Variants in SLC25A42 observed in about 807,000 individuals in gnomAD.
The protein encoded by SLC25A42 is solute carrier family 25 member 42.
Under a neutral mutation model 34.7 loss-of-function variants are expected in SLC25A42, and 19 were observed. The observed-to-expected ratio is 0.55, with a 90% CI of 0.38 to 0.80. The LOEUF (loss-of-function observed/expected upper bound fraction) is 0.80. SLC25A42 is among the 30% of genes least tolerant of loss of function. The pLI, the probability that SLC25A42 is intolerant of heterozygous loss-of-function variation, is 0.00. For synonymous variants in SLC25A42, 205 were observed against 191.2 expected, an observed-to-expected ratio of 1.07 and a Z score of -0.59; for missense variants, 364 against 441.3, an observed-to-expected ratio of 0.82 and a Z score of 1.57.
chr19:19,110,571 T>C lies in SLC25A42; in HGVS notation c.652T>C (p.Tyr218His). ...YETLKSLHRE[Y>H]SGRRQPYPFE... ...CCCTCCCGCCCCTCGCCCTGCAGAG[T>C]ACAGCGGCCGCCGGCAGCCCTACCC... Residue 218 changes from tyrosine (Y) to histidine (H), a missense_variant and splice_region_variant, in exon 8 of 8, where the codon TAC becomes CAC. By Grantham distance (83) the Tyr-to-His change is moderately conservative (BLOSUM62 2). Transcript: ENST00000318596. The C allele has an allele frequency of 7.0e-7, 1 of 1,430,904 alleles. No individual in the cohort carries two copies. Among genetic ancestry groups the C allele is most frequent in the Non-Finnish European group, 9.1e-7 (1 of 1,100,132 alleles). 88.6% of individuals were successfully genotyped at this position (1,430,904 alleles called of 1,614,324 possible).
At chr19:19,089,594 G>A (rs1339879516) in intron 1 of SLC25A42, among the ~76,000 whole-genome samples, 1 of 151,350 alleles carries the variant, frequency 6.6e-6, no homozygotes, top group African/African-American at 2.4e-5. Context: ...GCAGCCAGGT[G>A]TGGTAGCTCA....
chr19:19,108,669 T>C (rs1482098093), intron 7 of SLC25A42, among the ~76,000 whole-genome samples: 3 of 152,156 alleles, frequency 2.0e-5, no homozygotes, highest in Non-Finnish European at 2.9e-5. Flanking sequence ...AAGGAAGTAC[T>C]CTTGCTTGTT....
At chr19:19,092,096 C>T (rs1042054888) in intron 1 of SLC25A42, among the ~76,000 whole-genome samples, 4 of 152,134 alleles carry the variant, frequency 2.6e-5, no homozygotes, top group Non-Finnish European at 5.9e-5. Flanking sequence ...GGTGGCCCAC[C>T]GTGCTCCAGG....
rs184858783 is a variant in SLC25A42, at chr19:19,105,248, C to T, written c.213+310C>T. ...AGATAAACTGTAAAAGCTGGGATGC[C>T]AAACACCAACAGACATGCCCTTGGG... On this transcript the variant is annotated intron_variant, in intron 4 of 7. Coordinates refer to ENST00000318596, the MANE Select transcript of SLC25A42 (RefSeq NM_178526.5). The T allele has an allele frequency of 5.1e-4, 293 of 572,872 alleles. 3 individuals are homozygous for T. The highest frequency in any genetic ancestry group is 4.2e-3 in the African/African-American group (225 of 53,720). The allele number at this position is 572,872 out of a possible 1,614,324, so 35.5% of individuals were successfully genotyped here.
intron 1 of SLC25A42, among the ~76,000 whole-genome samples, chr19:19,082,943 T>C (rs2059688754): frequency 1.3e-5 from 2 of 151,480 alleles, no homozygotes. Context: ...TCAGCCTCCC[T>C]GAGTAGCTGG....
At position 19,081,535 on chromosome 19, in the gene SLC25A42, G is replaced by A. The variant is rs377572406; in HGVS notation, c.-34-14556G>A. 8.5e-5 allele frequency among the ~76,000 whole-genome samples: 13 copies of A among 152,308 alleles called. No homozygotes were observed. The East Asian group carries it at 1.3e-3, about 16-fold the overall frequency. ...GAAGCCGAGGTGGGGGCTGATGGGC[G>A]TAGGTAGACTACCTGTCCCTTATAG... On this transcript the variant is annotated intron_variant, in intron 1 of 7. Coordinates refer to ENST00000318596, the MANE Select transcript of SLC25A42 (RefSeq NM_178526.5). This position sits in a 1 kb window ranked among gnomAD's most constrained non-coding sequence, Gnocchi z 4.5.
intron 1 of SLC25A42, among the ~76,000 whole-genome samples, chr19:19,075,745 C>A (rs1022164777): frequency 3.9e-5 from 6 of 152,196 alleles, no homozygotes; most frequent in African/African-American, 1.4e-4. Flanking sequence ...AGTCCGTGTG[C>A]TTTTGGCACC....
At chr19:19,072,564 G>A (rs561938449) in intron 1 of SLC25A42, among the ~76,000 whole-genome samples, 1 of 152,158 alleles carries the variant, frequency 6.6e-6, no homozygotes, top group South Asian at 2.1e-4. Context: ...TTAGCCAGGC[G>A]TGGAGACAGG....
At chr19:19,066,802 T>G (rs909893186) in intron 1 of SLC25A42, among the ~76,000 whole-genome samples, 11 of 152,134 alleles carry the variant, frequency 7.2e-5, no homozygotes, top group African/African-American at 2.2e-4. Flanking sequence ...GATAGATGCA[T>G]GCATCAGCAT....
intron 1 of SLC25A42, among the ~76,000 whole-genome samples, chr19:19,064,962 C>G (rs1394332832): frequency 6.6e-6 from 1 of 152,188 alleles, no homozygotes; most frequent in Non-Finnish European, 1.5e-5. Flanking sequence ...AAACCGGAAT[C>G]ATCTCCATTT....
intron 1 of SLC25A42, among the ~76,000 whole-genome samples, chr19:19,085,320 T>A (rs1401736624): frequency 6.6e-6 from 1 of 151,956 alleles, no homozygotes; most frequent in African/African-American, 2.4e-5. Flanking sequence ...GACTCCTCAG[T>A]TAAGGCTGGG....
intron 3 of SLC25A42, among the ~76,000 whole-genome samples, chr19:19,104,685 C>T (rs1289750551): frequency 6.6e-6 from 1 of 152,182 alleles, no homozygotes; most frequent in Non-Finnish European, 1.5e-5. Flanking sequence ...GAATGGTAGT[C>T]TAGTCCAGGG....
At chr19:19,100,295 TCAC>T (rs1335026915) in intron 2 of SLC25A42, among the ~76,000 whole-genome samples, 1 of 151,992 alleles carries the variant, frequency 6.6e-6, no homozygotes, top group Non-Finnish European at 1.5e-5. Flanking sequence ...TGAGCTGAGA[TCAC>T]ACCACTGTGT....
At chr19:19,090,325 A>G (rs574183703) in intron 1 of SLC25A42, among the ~76,000 whole-genome samples, 2 of 152,158 alleles carry the variant, frequency 1.3e-5, no homozygotes, top group African/African-American at 4.8e-5. Flanking sequence ...TCTTTTTCTC[A>G]CTCATCTTAG....
At position 19,070,340 on chromosome 19, in the gene SLC25A42, C is replaced by G. The variant is rs183943517; in HGVS notation, c.-35+6225C>G. Among the ~76,000 whole-genome samples the G allele has an allele frequency of 3.3e-3, 491 of 148,570 alleles. 1 individual carries two copies. The highest frequency in any genetic ancestry group is 4.5e-3 in the Non-Finnish European group (306 of 67,432). ...TAGACAGAGTTTTGCCCTTGTTGCC[C>G]AGGCTGGAGTACAATGGTGTGATCT... is the stretch of plus-strand genomic sequence containing the variant. On this transcript the variant is annotated intron_variant, in intron 1 of 7. Coordinates refer to ENST00000318596, the MANE Select transcript of SLC25A42 (RefSeq NM_178526.5).
intron 1 of SLC25A42, among the ~76,000 whole-genome samples, chr19:19,085,968 G>A (rs970439269): frequency 6.6e-6 from 1 of 152,208 alleles, no homozygotes; most frequent in Non-Finnish European, 1.5e-5. Flanking sequence ...CCTGGGTGTA[G>A]CCACGCTGGC....
intron 3 of SLC25A42, among the ~76,000 whole-genome samples, chr19:19,102,681 T>C (rs1371278756): frequency 6.6e-6 from 1 of 151,624 alleles, no homozygotes; most frequent in African/African-American, 2.4e-5. Context: ...GAGGCGGAGG[T>C]TGCAGTCAGC....
In SLC25A42 at chr19:19,081,670, C is replaced by T. The variant is rs1778062365; in HGVS notation, c.-34-14421C>T. On this transcript the variant is annotated intron_variant, in intron 1 of 7. Transcript: ENST00000318596. This position sits in a 1 kb window ranked among gnomAD's most constrained non-coding sequence, Gnocchi z 4.5. ...GGAAACGACCTCACCACCTCCAGGT[C>T]TCAGGCAGAACCTGGACAGGCTCCT... is the stretch of plus-strand genomic sequence containing the variant. Among the ~76,000 whole-genome samples the T allele has an allele frequency of 6.6e-6, 1 of 152,196 alleles. No homozygotes were observed. Among genetic ancestry groups the T allele is most frequent in the African/African-American group, 2.4e-5 (1 of 41,436 alleles).
At chr19:19,110,205 G>C (rs1304567801) in intron 7 of SLC25A42, among the ~76,000 whole-genome samples, 1 of 152,084 alleles carries the variant, frequency 6.6e-6, no homozygotes, top group African/African-American at 2.4e-5. Flanking sequence ...CATTAGCCAG[G>C]CGTGGTGGTG....
Sources: allele counts gnomAD v4.1 joint callset (sites outside exome capture counted in the v4.1 genomes callset), GRCh38; gene constraint gnomAD v4.1.1; non-coding constraint Gnocchi (gnomAD v3.1); transcripts MANE v1.5; gene names NCBI Gene and HGNC (gene_info 2026-07-23, HGNC 2026-07-21).